The following CENPF variants were observed in gnomAD, a reference collection of about 807,000 sequenced individuals.
CENPF encodes the protein centromere protein F.
Under a neutral mutation model 307.3 loss-of-function variants are expected in CENPF, and 214 were observed. The observed-to-expected ratio is 0.70, with a 90% CI of 0.62 to 0.78. The LOEUF (loss-of-function observed/expected upper bound fraction) is 0.78. Among genes scored for constraint, CENPF ranks in the 30% least tolerant of loss-of-function variants. The probability of loss-of-function intolerance (pLI) is 0.00; values close to 1 mark genes in which losing one functional copy is unlikely to be tolerated. For synonymous variants in CENPF, 1,259 were observed against 1,270.6 expected (o/e 0.99, Z 0.19); for missense variants, 3,401 against 3,483.9 (o/e 0.98, Z 0.60).
chr1:214,637,814 AACTT>A (rs1188122023), intron 10 of CENPF, 48 bp from the exon 11 acceptor site: 7 of 1,570,518 alleles, frequency 4.5e-6, no homozygotes, highest in Non-Finnish European at 6.0e-6. Context: ...CAGAAGTCAT[AACTT>A]ACTTGAGCAT....
At chr1:214,609,180 A>G (rs1473519019) in intron 1 of CENPF, among the ~76,000 whole-genome samples, 2 of 151,808 alleles carry the variant, frequency 1.3e-5, no homozygotes, top group Non-Finnish European at 1.5e-5. Flanking sequence ...GGCCTCCTGC[A>G]TCGCCACCGC....
chr1:214,622,081 C>G lies in CENPF; in HGVS notation c.868C>G (p.Leu290Val). ...LDQLKAQNQE[L>V]RNKINELELR... is the part of the protein sequence containing the mutation. Reference sequence around the variant, plus strand: ...GTGATTTTTGTTTGTGGTTCAAGAGCTAAGAAACAAGATTAATGAGTTGGA... The same window carrying G: ...GTGATTTTTGTTTGTGGTTCAAGAGGTAAGAAACAAGATTAATGAGTTGGA... The change falls in exon 7 of 20, where the codon CTA becomes GTA. Residue 290 changes from leucine (L) to valine (V), a missense_variant and splice_region_variant. Coordinates refer to ENST00000366955, the MANE Select transcript of CENPF (RefSeq NM_016343.4). 1 of 1,611,760 alleles carries G rather than the reference C, an allele frequency of 6.2e-7. No individual in the cohort carries two copies. Among genetic ancestry groups the G allele is most frequent in the Non-Finnish European group, 8.5e-7 (1 of 1,179,136 alleles).
At chr1:214,661,885 T>C (rs1658796072) in intron 19 of CENPF, among the ~76,000 whole-genome samples, 2 of 150,922 alleles carry the variant, frequency 1.3e-5, no homozygotes, top group South Asian at 2.1e-4. Flanking sequence ...TTTTTTTTTT[T>C]CCCTCCCCTG....
At chr1:214,621,042 T>G in intron 6 of CENPF, 96 bp downstream of exon 6, 1 of 1,179,546 alleles carries the variant, frequency 8.5e-7, no homozygotes. Flanking sequence ...GCTTATGTGT[T>G]TTGTTAGGCA....
At position 214,651,612 on chromosome 1, in the gene CENPF, T is replaced by C. The variant is rs756102039; in HGVS notation, c.7984-98T>C. On this transcript the variant is annotated intron_variant, in intron 14 of 19. Coordinates refer to ENST00000366955, the MANE Select transcript of CENPF (RefSeq NM_016343.4). ...GTACAGATTTTATCTTGCCCATAAA[T>C]ATTTTTTTTCTACACAGTACACATT... The C allele has an allele frequency of 6.9e-4, 578 of 832,706 alleles. 2 individuals are homozygous for C. Among genetic ancestry groups the C allele is most frequent in the Non-Finnish European group, 9.4e-4 (514 of 547,454 alleles). 51.6% of individuals were successfully genotyped at this position (832,706 alleles called of 1,614,324 possible).
intron 12 of CENPF, among the ~76,000 whole-genome samples, 183 bp from the exon 13 acceptor site, chr1:214,644,374 T>C (rs541759213): frequency 1.3e-5 from 2 of 152,358 alleles, no homozygotes; most frequent in East Asian, 3.9e-4. Flanking sequence ...GGCCACTTAC[T>C]GAACGTATAA....
In CENPF at chr1:214,640,322, A is replaced by G; in HGVS notation, c.1984A>G (p.Asn662Asp). ...ACAGCAAATAAAAAGTCATGAATAC[A>G]ACGAGAGAGTAAGAACGCTGGAGAT... ...KTQQIKSHEY[N>D]ERVRTLEMDR... Residue 662 changes from asparagine to aspartate, a missense_variant, in exon 12 of 20, where the codon AAC becomes GAC. By Grantham distance (23) the Asn-to-Asp change is conservative (BLOSUM62 1). Transcript: ENST00000366955. 2 of 1,613,972 alleles carry G rather than the reference A, an allele frequency of 1.2e-6. No individual in the cohort carries two copies. Among genetic ancestry groups the G allele is most frequent in the Middle Eastern group, 1.7e-4 (1 of 6,060 alleles).
At chr1:214,622,714 C>T in intron 7 of CENPF, among the ~76,000 whole-genome samples, 2 of 142,658 alleles carry the variant, frequency 1.4e-5, no homozygotes, top group Non-Finnish European at 3.0e-5. Context: ...ATTCAACCAA[C>T]TATGGATCGT....
At chr1:214,605,631 C>G in intron 1 of CENPF, 2 of 1,500,256 alleles carry the variant, frequency 1.3e-6, no homozygotes, top group Non-Finnish European at 1.8e-6. Flanking sequence ...GGGTGAGGTC[C>G]GGGGGCTGCC....
intron 8 of CENPF, among the ~76,000 whole-genome samples, 179 bp from the exon 9 acceptor site, chr1:214,630,355 C>A (rs1657771488): frequency 6.6e-6 from 1 of 152,114 alleles, no homozygotes; most frequent in Admixed American, 6.5e-5. Context: ...GGATTTGATG[C>A]CTGAGGGCAG....
At chr1:214,630,786 A>G (rs889782304) in intron 9 of CENPF, 124 bp downstream of exon 9, 6 of 1,211,894 alleles carry the variant, frequency 5.0e-6, no homozygotes, top group East Asian at 4.9e-5. Flanking sequence ...CACTTTCCCT[A>G]TCAAAGTGGA....
chr1:214,617,857 T>C (rs1262070766), intron 3 of CENPF, among the ~76,000 whole-genome samples: 1 of 152,214 alleles, frequency 6.6e-6, no homozygotes, highest in Non-Finnish European at 1.5e-5. Flanking sequence ...GAATATGAAA[T>C]TTGCTTGGAA....
rs767093371 is a variant in CENPF, at chr1:214,651,742, T to A, written c.8016T>A (p.Ser2672Arg). Residue 2672 changes from serine to arginine, a missense_variant, in exon 15 of 20, where the codon AGT (serine) becomes AGA (arginine). Ser to Arg is a moderately radical substitution (Grantham distance 110). Transcript: ENST00000366955. ...DQLKELTLENSELKKSLDCMH... is the reference protein window; with the variant it reads ...DQLKELTLENRELKKSLDCMH... ...TGAAGGAGCTCACACTAGAAAATAG[T>A]GAATTGAAGAAGAGCCTAGATTGCA... 1 of 1,602,088 alleles carries A rather than the reference T, an allele frequency of 6.2e-7. No individual in the cohort carries two copies. Among genetic ancestry groups the A allele is most frequent in the East Asian group, 2.2e-5 (1 of 44,718 alleles).
intron 1 of CENPF, among the ~76,000 whole-genome samples, chr1:214,609,042 C>T (rs999546859): frequency 6.6e-6 from 1 of 151,718 alleles, no homozygotes; most frequent in Non-Finnish European, 1.5e-5. Flanking sequence ...CAGGGAGCCT[C>T]GCAACCACAG....
At chr1:214,618,741 A>T (rs369315936) in intron 4 of CENPF, 47 bp downstream of exon 4, 5 of 1,550,378 alleles carry the variant, frequency 3.2e-6, no homozygotes, top group Non-Finnish European at 4.4e-6. Context: ...GTTTAGCTTG[A>T]GATTTTAATT....
chr1:214,618,230 G>T (rs985449229), intron 3 of CENPF, among the ~76,000 whole-genome samples: 1 of 152,130 alleles, frequency 6.6e-6, no homozygotes, highest in Non-Finnish European at 1.5e-5. Context: ...GGGATTATGG[G>T]AACTACAATT....
intron 3 of CENPF, among the ~76,000 whole-genome samples, chr1:214,616,857 CT>C (rs1286557307): frequency 4.2e-4 from 12 of 28,294 alleles, no homozygotes; most frequent in African/African-American, 1.3e-3. Flanking sequence ...TTCTTTCTTT[CT>C]TTCTTTCTTT....
At chr1:214,630,802 T>G in intron 9 of CENPF, 140 bp downstream of exon 9, 1 of 1,087,304 alleles carries the variant, frequency 9.2e-7, no homozygotes, top group Non-Finnish European at 1.3e-6. Context: ...GTGGAGAATG[T>G]ACAGAACCAT....
At chr1:214,624,531 TTATG>T (rs1042040113) in intron 7 of CENPF, among the ~76,000 whole-genome samples, 10 of 152,200 alleles carry the variant, frequency 6.6e-5, no homozygotes, top group African/African-American at 9.6e-5. Flanking sequence ...GTTGTCAACT[TTATG>T]TATATAGAGT....
Sources: gnomAD v4.1 joint callset for allele counts (sites outside exome capture counted in the v4.1 genomes callset) on GRCh38, gnomAD v4.1.1 for gene constraint, MANE v1.5 for transcripts, NCBI Gene and HGNC (gene_info 2026-07-23, HGNC 2026-07-21) for gene names.